Variants in SCYL3 observed in about 807,000 individuals in gnomAD.
SCYL3 encodes the protein protein-associating with the carboxyl-terminal domain of ezrin.
SCYL3 carries 35 observed loss-of-function variants against 73.8 expected under a neutral mutation model. That is an observed-to-expected ratio of 0.47 (90% CI 0.36 to 0.63). SCYL3 has a LOEUF of 0.63. SCYL3 is among the 20% of genes least tolerant of loss of function. SCYL3 has a pLI of 0.00. For synonymous variants in SCYL3, 277 were observed against 295.2 expected, an observed-to-expected ratio of 0.94 and a Z score of 0.63; for missense variants, 712 against 798.9, an observed-to-expected ratio of 0.89 and a Z score of 1.31.
At chr1:169,885,997 G>T (rs1661654323) in intron 2 of SCYL3, among the ~76,000 whole-genome samples, 1 of 152,056 alleles carries the variant, frequency 6.6e-6, no homozygotes, top group South Asian at 2.1e-4. Context: ...TGATTATGAA[G>T]GGCAAAAAAT....
In SCYL3 at chr1:169,850,311, A is replaced by G; in HGVS notation, c.*3402T>C. 1 of 1,612,346 alleles carries G rather than the reference A, an allele frequency of 6.2e-7. No homozygotes were observed. Among genetic ancestry groups the G allele is most frequent in the South Asian group, 1.1e-5 (1 of 91,040 alleles). ...GTTCCACAGTGTCTCAGTTCTGAAGAAACTAAGAACAAAGTTGTATCCTTT... is the reference window on the plus strand; with the variant it reads ...GTTCCACAGTGTCTCAGTTCTGAAGGAACTAAGAACAAAGTTGTATCCTTT... On this transcript the variant is annotated 3_prime_UTR_variant, in exon 13 of 13. Coordinates refer to ENST00000367771, the MANE Select transcript of SCYL3 (RefSeq NM_020423.7).
At chr1:169,875,326 C>A (rs1467857209) in intron 4 of SCYL3, among the ~76,000 whole-genome samples, 1 of 152,096 alleles carries the variant, frequency 6.6e-6, no homozygotes, top group African/African-American at 2.4e-5. Context: ...AATGCAGCAG[C>A]AACACGCAAA....
In SCYL3 at chr1:169,850,344, A is replaced by G; in HGVS notation, c.*3369T>C. ...AACAAAGTTGTATCCTTTCTGGAGA[A>G]GGTACTTTCTTTACATGGCTCATGT... On this transcript the variant is annotated 3_prime_UTR_variant, in exon 13 of 13. Coordinates refer to ENST00000367771, the MANE Select transcript of SCYL3 (RefSeq NM_020423.7). 1 of 1,599,242 alleles carries G rather than the reference A, an allele frequency of 6.3e-7. No individual in the cohort carries two copies. Among genetic ancestry groups the G allele is most frequent in the Non-Finnish European group, 8.6e-7 (1 of 1,167,498 alleles).
At chr1:169,887,625 A>G (rs1197225215) in intron 2 of SCYL3, among the ~76,000 whole-genome samples, 1 of 152,222 alleles carries the variant, frequency 6.6e-6, no homozygotes, top group Non-Finnish European at 1.5e-5. Flanking sequence ...GATGTAAAAA[A>G]AGAGTCAAAA....
At chr1:169,873,651 A>G (rs895747357) in intron 5 of SCYL3, 45 bp downstream of exon 5, 5 of 1,365,700 alleles carry the variant, frequency 3.7e-6, no homozygotes, top group Non-Finnish European at 5.1e-6. Context: ...TTCATACTCA[A>G]TTACACAAAG....
At chr1:169,883,243 C>A (rs1254994510) in intron 2 of SCYL3, among the ~76,000 whole-genome samples, 2 of 152,180 alleles carry the variant, frequency 1.3e-5, no homozygotes, top group African/African-American at 4.8e-5. Flanking sequence ...CAATTCCGGA[C>A]ACAATACTGC....
Position 169,853,651 on chromosome 1 carries a change from A to C in SCYL3, c.*62T>G. 1 of 1,563,952 alleles carries C rather than the reference A, an allele frequency of 6.4e-7. No homozygotes were observed. The highest frequency in any genetic ancestry group is 1.1e-5 in the South Asian group (1 of 89,092). On this transcript the variant is annotated 3_prime_UTR_variant, in exon 13 of 13. Coordinates refer to ENST00000367771, the MANE Select transcript of SCYL3 (RefSeq NM_020423.7). ...TTTCTTGTCCCAAAGCCTGCTTTTG[A>C]GGTATTGATTTTTTTTAAAAAAAGG...
intron 2 of SCYL3, among the ~76,000 whole-genome samples, chr1:169,887,421 T>C (rs1467502263): frequency 6.6e-6 from 1 of 152,050 alleles, no homozygotes; most frequent in African/African-American, 2.4e-5. Context: ...AAAAAAATCT[T>C]ATAAAGAAAA....
rs774576011 is a variant in SCYL3 at position 169,854,973 on chromosome 1, A to AAAAT, written c.1313-13_1313-10dup. 5 of 1,559,286 alleles carry AAAAT rather than the reference A, an allele frequency of 3.2e-6. No individual in the cohort carries two copies. The highest frequency in any genetic ancestry group is 2.2e-5 in the East Asian group (1 of 44,686). On this transcript the variant is annotated splice_polypyrimidine_tract_variant and intron_variant, in intron 11 of 12. Coordinates refer to ENST00000367771, the MANE Select transcript of SCYL3 (RefSeq NM_020423.7). ...CTGAGAAAATGGATCGCCTGTAGGG[A>AAAAT]AAATAATTATTCTCATAAAATACTG...
chr1:169,860,594 T>C (rs1359649589), intron 10 of SCYL3, among the ~76,000 whole-genome samples: 8 of 152,340 alleles, frequency 5.3e-5, no homozygotes, highest in Non-Finnish European at 1.2e-4. Context: ...AGATAATTAT[T>C]AGGACCAATG....
chr1:169,861,123 T>C (rs1659611759), intron 10 of SCYL3, among the ~76,000 whole-genome samples: 1 of 152,170 alleles, frequency 6.6e-6, no homozygotes. Flanking sequence ...CAGATGTAAA[T>C]ACAAAGTGCT....
At chr1:169,862,824 T>C in intron 9 of SCYL3, 27 bp from the exon 10 acceptor site, 2 of 1,607,050 alleles carry the variant, frequency 1.2e-6, no homozygotes, top group Non-Finnish European at 1.7e-6. Context: ...AGGTTACAGA[T>C]GAAAAAACAA....
chr1:169,859,318 C>G, intron 10 of SCYL3, 106 bp from the exon 11 acceptor site: 4 of 1,094,532 alleles, frequency 3.7e-6, no homozygotes, highest in Non-Finnish European at 5.1e-6. Context: ...AGATAAACTA[C>G]ATTATCTTAG....
chr1:169,858,857 T>TA (rs1018163723), intron 11 of SCYL3, among the ~76,000 whole-genome samples, 184 bp downstream of exon 11: 4 of 151,202 alleles, frequency 2.6e-5, no homozygotes, highest in Admixed American at 1.3e-4. Flanking sequence ...TTTGCAAGCT[T>TA]AAAAAAAAAG....
In SCYL3 at chr1:169,854,519, C is replaced by T. The variant is rs1062976; in HGVS notation, c.1758G>A (p.Val586=). The change falls in exon 12 of 13, where the codon GTG becomes GTA. Residue 586 remains valine (V), a synonymous_variant. Coordinates refer to ENST00000367771, the MANE Select transcript of SCYL3 (RefSeq NM_020423.7). ...DDADQIEPPK[V]SSQERPLKVP... ...CCTTAAGGGGCCTTTCTTGTGATGACACTTTTGGCGGCTCGATTTGGTCTG... is the reference window on the plus strand; with the variant it reads ...CCTTAAGGGGCCTTTCTTGTGATGATACTTTTGGCGGCTCGATTTGGTCTG... The T allele has an allele frequency of 0.26, 413,863 of 1,613,644 alleles. 56,324 individuals are homozygous for T. Among genetic ancestry groups the T allele is most frequent in the Middle Eastern group, 0.31 (1,873 of 6,060 alleles).
Position 169,859,166 on chromosome 1 carries a change from G to C in SCYL3, c.1187C>G (p.Thr396Ser). 1 of 1,613,708 alleles carries C rather than the reference G, an allele frequency of 6.2e-7. No individual in the cohort carries two copies. Among genetic ancestry groups the C allele is most frequent in the Non-Finnish European group, 8.5e-7 (1 of 1,179,890 alleles). The change falls in exon 11 of 13, where the codon ACT (threonine) becomes AGT (serine). Residue 396 changes from threonine (T) to serine (S), a missense_variant. By Grantham distance (58) the Thr-to-Ser change is moderately conservative. Coordinates refer to ENST00000367771, the MANE Select transcript of SCYL3 (RefSeq NM_020423.7). ...GACCAGCACTGCTAGGCTATGCAGA[G>C]TAATTGCCACAATGGAATCGCTAGT... ...RDTSDSIVAI[T>S]LHSLAVLVSL...
chr1:169,852,925 G>C lies in SCYL3; in HGVS notation c.*788C>G, dbSNP rs962705517. 3 of 1,614,156 alleles carry C rather than the reference G, an allele frequency of 1.9e-6. No individual in the cohort carries two copies. In the Admixed American group the frequency reaches 5.0e-5, roughly 27 times the overall value. On this transcript the variant is annotated 3_prime_UTR_variant, in exon 13 of 13. Transcript: ENST00000367771. Reference sequence around the variant, plus strand: ...TCCTGCTCCAGCCTGGCTTTCAATGGAAATGGAGGCGCTCCAAGAAAGGAT... The same window carrying C: ...TCCTGCTCCAGCCTGGCTTTCAATGCAAATGGAGGCGCTCCAAGAAAGGAT...
At position 169,859,057 on chromosome 1, in the gene SCYL3, A is replaced by T. The variant is rs752261904; in HGVS notation, c.1296T>A (p.Thr432=). The change falls in exon 11 of 13, where the codon ACT becomes ACA. Residue 432 remains threonine (T), a synonymous_variant. Coordinates refer to ENST00000367771, the MANE Select transcript of SCYL3 (RefSeq NM_020423.7). ...KRTAPSFTKN[T]DLSLEGDPFS... ...AATTCTTACCTTCTAGAGAAAGGTC[A>T]GTATTTTTAGTAAAACTTGGGGCAG... The T allele has an allele frequency of 6.2e-7, 1 of 1,613,352 alleles. No individual in the cohort carries two copies. Among genetic ancestry groups the T allele is most frequent in the Non-Finnish European group, 8.5e-7 (1 of 1,179,774 alleles).
chr1:169,886,148 T>C (rs1661672001), intron 2 of SCYL3, among the ~76,000 whole-genome samples: 1 of 152,070 alleles, frequency 6.6e-6, no homozygotes, highest in African/African-American at 2.4e-5. Context: ...CCACCTCTAC[T>C]AAAAATTCAA....
Sources: allele counts gnomAD v4.1 joint callset (sites outside exome capture counted in the v4.1 genomes callset), GRCh38; gene constraint gnomAD v4.1.1; transcripts MANE v1.5; gene names NCBI Gene and HGNC (gene_info 2026-07-23, HGNC 2026-07-21).